SLC35D2: variants seen among roughly 807,000 people sequenced by gnomAD.
SLC35D2 encodes the protein solute carrier family 35 member D2, also known as nucleotide sugar transporter SLC35D2.
A neutral mutation model predicts 41.8 loss-of-function variants in SLC35D2; 43 were observed. That is an observed-to-expected ratio of 1.03 (90% CI 0.81 to 1.33). The LOEUF (loss-of-function observed/expected upper bound fraction) is 1.33, where lower values mean the gene tolerates loss of function less well. SLC35D2 is among the 40% of genes most tolerant of loss of function. The pLI is 0.00. For synonymous variants in SLC35D2, 150 were observed against 163.9 expected (o/e 0.92, Z 0.65); for missense variants, 380 against 408.4 (o/e 0.93, Z 0.60).
At chr9:96,350,957 T>A in intron 6 of SLC35D2, 146 bp downstream of exon 6, 1 of 610,636 alleles carries the variant, frequency 1.6e-6, no homozygotes, top group Non-Finnish European at 2.9e-6. Context: ...TAGGAACACA[T>A]GGGGATTCCA....
chr9:96,351,641 C>A, intron 5 of SLC35D2, among the ~76,000 whole-genome samples: 1 of 152,052 alleles, frequency 6.6e-6, no homozygotes, highest in East Asian at 1.9e-4. Flanking sequence ...AAATTAATTT[C>A]TTCTGATATT....
intron 9 of SLC35D2, among the ~76,000 whole-genome samples, chr9:96,333,552 G>A (rs922219946): frequency 2.8e-5 from 4 of 144,854 alleles, no homozygotes; most frequent in African/African-American, 7.9e-5. Context: ...CCAAGATCGC[G>A]CCACCGCACT....
chr9:96,366,523 T>TG (rs1239284478), intron 2 of SLC35D2, among the ~76,000 whole-genome samples: 2 of 145,998 alleles, frequency 1.4e-5, no homozygotes, highest in African/African-American at 5.0e-5. Flanking sequence ...ACTGATTTTT[T>TG]TTTTTTTTTT....
chr9:96,361,504 T>A (rs1830276573), intron 3 of SLC35D2, among the ~76,000 whole-genome samples: 1 of 151,968 alleles, frequency 6.6e-6, no homozygotes. Context: ...CCTGGCAACA[T>A]AGTGAGACCG....
At chr9:96,357,086 G>A (rs1036816602) in intron 4 of SLC35D2, among the ~76,000 whole-genome samples, 1 of 152,074 alleles carries the variant, frequency 6.6e-6, no homozygotes, top group Non-Finnish European at 1.5e-5. Flanking sequence ...GCTGAGGCAG[G>A]AGAATTGCTT....
At chr9:96,375,058 C>T (rs1168447044) in intron 1 of SLC35D2, among the ~76,000 whole-genome samples, 6 of 145,082 alleles carry the variant, frequency 4.1e-5, no homozygotes, top group Middle Eastern at 7.3e-3. Context: ...GTGGCTCAAT[C>T]TCAGCTCACT....
At position 96,368,411 on chromosome 9, in the gene SLC35D2, T is replaced by G. The variant is rs1830555661; in HGVS notation, c.159-106A>C. On this transcript the variant is annotated intron_variant, in intron 1 of 11. Coordinates refer to ENST00000253270, the MANE Select transcript of SLC35D2 (RefSeq NM_007001.3). ...TTAAACAATCTGAGAAAATGAAAAT[T>G]TATCAAATTGTTCACTTTTCATTTA... The G allele has an allele frequency of 3.3e-6, 3 of 915,850 alleles. No homozygotes were observed. In the Admixed American group the frequency reaches 8.4e-5, roughly 26 times the overall value. 56.7% of individuals were successfully genotyped at this position (915,850 alleles called of 1,614,324 possible).
chr9:96,372,568 TAATTA>T (rs1165554003), intron 1 of SLC35D2, among the ~76,000 whole-genome samples: 1 of 138,870 alleles, frequency 7.2e-6, no homozygotes, highest in Non-Finnish European at 1.6e-5. Context: ...AATAATTAAA[TAATTA>T]CTTTTTTTTT....
chr9:96,364,114 G>A (rs936349115), intron 3 of SLC35D2, among the ~76,000 whole-genome samples: 1 of 151,958 alleles, frequency 6.6e-6, no homozygotes, highest in African/African-American at 2.4e-5. Flanking sequence ...TCAGGAGTTC[G>A]AGACCAGCCT....
At chr9:96,326,481 TG>T (rs1264660836) in intron 9 of SLC35D2, among the ~76,000 whole-genome samples, 2 of 151,998 alleles carry the variant, frequency 1.3e-5, no homozygotes, top group Admixed American at 6.6e-5. Context: ...CAATAATATT[TG>T]TAAGTTGAAC....
At chr9:96,322,578 T>C (rs916870790) in intron 10 of SLC35D2, among the ~76,000 whole-genome samples, 1 of 152,134 alleles carries the variant, frequency 6.6e-6, no homozygotes, top group Non-Finnish European at 1.5e-5. Flanking sequence ...CAGTAAATTA[T>C]GGTATGATAA....
At chr9:96,379,775 C>T (rs1045764877) in intron 1 of SLC35D2, among the ~76,000 whole-genome samples, 3 of 152,108 alleles carry the variant, frequency 2.0e-5, no homozygotes, top group Non-Finnish European at 4.4e-5. Context: ...CTGTATATTA[C>T]ATTACAGAAA....
Position 96,320,909 on chromosome 9 carries a change from C to T in SLC35D2, c.*333G>A, listed in dbSNP as rs546622780. On this transcript the variant is annotated 3_prime_UTR_variant, in exon 12 of 12. Coordinates refer to ENST00000253270, the MANE Select transcript of SLC35D2 (RefSeq NM_007001.3). The stretch of plus-strand genomic sequence containing the variant: ...AAGGTGCTGATCAGAAAAGAGTCAC[C>T]ATTACATCAACCTCCTCCCCAGCAC... The T allele has an allele frequency of 5.0e-4, 94 of 186,670 alleles. No individual in the cohort carries two copies. Among genetic ancestry groups the T allele is most frequent in the Admixed American group, 1.3e-3 (22 of 16,842 alleles). The allele number at this position is 186,670 out of a possible 1,614,324, so 11.6% of individuals were successfully genotyped here.
downstream of SLC35D2, among the ~76,000 whole-genome samples, chr9:96,317,060 A>C (rs963148837): frequency 6.6e-6 from 1 of 151,744 alleles, no homozygotes; most frequent in African/African-American, 2.4e-5. Flanking sequence ...ATGGTGTGAA[A>C]CTGGAAGGCG....
intron 1 of SLC35D2, among the ~76,000 whole-genome samples, chr9:96,375,178 G>A (rs958648827): frequency 6.6e-5 from 10 of 151,190 alleles, no homozygotes; most frequent in Non-Finnish European, 1.2e-4. Context: ...TTTTAGTAGC[G>A]ATAGGGTTTC....
chr9:96,342,784 G>C (rs1173939872), intron 8 of SLC35D2, among the ~76,000 whole-genome samples: 1 of 152,192 alleles, frequency 6.6e-6, no homozygotes, highest in African/African-American at 2.4e-5. Flanking sequence ...TCCAGCTGGA[G>C]AAAGAACAAG....
chr9:96,351,273 T>C (rs1829802794), intron 5 of SLC35D2, 102 bp from the exon 6 acceptor site: 4 of 820,384 alleles, frequency 4.9e-6, no homozygotes, highest in Admixed American at 2.1e-5. Flanking sequence ...TCAGCATTTT[T>C]ATAGCTAAAA....
At chr9:96,325,310 G>A (rs561798403) in intron 9 of SLC35D2, among the ~76,000 whole-genome samples, 1 of 152,194 alleles carries the variant, frequency 6.6e-6, no homozygotes, top group Non-Finnish European at 1.5e-5. Context: ...ATGGAATGTT[G>A]AAAGGGATTA....
intron 1 of SLC35D2, among the ~76,000 whole-genome samples, chr9:96,368,838 C>T (rs1478684883): frequency 6.6e-6 from 1 of 151,988 alleles, no homozygotes; most frequent in African/African-American, 2.4e-5. Flanking sequence ...GATCTCAGCT[C>T]ACTGCAACCT....
Sources: allele counts gnomAD v4.1 joint callset (sites outside exome capture counted in the v4.1 genomes callset), GRCh38; gene constraint gnomAD v4.1.1; transcripts MANE v1.5; gene names NCBI Gene and HGNC (gene_info 2026-07-23, HGNC 2026-07-21).